Variants in THAP4 observed in about 807,000 individuals in gnomAD.
THAP4 encodes THAP domain containing 4.
In THAP4, 18 loss-of-function variants were observed where a neutral mutation model predicts 48.1. That is an observed-to-expected ratio of 0.37 (90% CI 0.26 to 0.56). The LOEUF (loss-of-function observed/expected upper bound fraction) is 0.56, where lower values mean the gene tolerates loss of function less well. Ranked by LOEUF, THAP4 falls within the 20% of genes least tolerant of loss-of-function variation. The probability of loss-of-function intolerance (pLI) is 0.78; values close to 1 mark genes in which losing one functional copy is unlikely to be tolerated. For synonymous variants in THAP4, 345 were observed against 324.9 expected (o/e 1.06, Z -0.66); for missense variants, 656 against 774.9 (o/e 0.85, Z 1.82).
At chr2:241,590,825 C>T (rs1181760755) in intron 5 of THAP4, among the ~76,000 whole-genome samples, 8 of 151,522 alleles carry the variant, frequency 5.3e-5, no homozygotes, top group African/African-American at 9.7e-5. Context: ...CACTAGGACA[C>T]GCAGAGCTGC....
At position 241,633,452 on chromosome 2, in the gene THAP4, A is replaced by G. The variant is rs2067595143; in HGVS notation, c.705T>C (p.Leu235=). The change falls in exon 2 of 6, where the codon CTT becomes CTC. Residue 235 remains leucine (L), a synonymous_variant. Transcript: ENST00000407315. This position sits in a 1 kb window ranked among gnomAD's most constrained non-coding sequence, Gnocchi z 7.5. The part of the protein sequence containing the change: ...GSGACKFIGS[L]HSYSFSSKHT... ...GCTTAGAGGAGAAACTGTACGAATG[A>G]AGTGAGCCGATAAATTTGCACGCCC... The G allele has an allele frequency of 1.2e-6, 2 of 1,613,776 alleles. No individual in the cohort carries two copies. The highest frequency in any genetic ancestry group is 2.7e-5 in the African/African-American group (2 of 74,846).
At position 241,610,052 on chromosome 2, in the gene THAP4, C is replaced by T. The variant is rs1027771257; in HGVS notation, c.1241-3579G>A. ...TCTCCACCCCTCACGCCCGAGTCCC[C>T]GGCACGGCCACCACCGGCCCCTGGG... is the stretch of plus-strand genomic sequence containing the variant. On this transcript the variant is annotated intron_variant, in intron 2 of 5. Transcript: ENST00000407315. This position sits in a 1 kb window ranked among gnomAD's most constrained non-coding sequence, Gnocchi z 4.2. Among the ~76,000 whole-genome samples, 1 of 152,172 alleles carries T rather than the reference C, an allele frequency of 6.6e-6. No individual in the cohort carries two copies. The highest frequency in any genetic ancestry group is 2.4e-5 in the African/African-American group (1 of 41,432).
chr2:241,622,538 TAAGTG>T (rs2067443278), intron 2 of THAP4, among the ~76,000 whole-genome samples: 1 of 151,666 alleles, frequency 6.6e-6, no homozygotes, highest in Admixed American at 6.6e-5. Flanking sequence ...CAGAGAGAAG[TAAGTG>T]AAGGTAAAAT....
chr2:241,590,502 T>G (rs80002030), intron 5 of THAP4, among the ~76,000 whole-genome samples: 1 of 140,482 alleles, frequency 7.1e-6, no homozygotes, highest in African/African-American at 2.7e-5. Context: ...CTGATGATAA[T>G]GGGCACTAGG....
Position 241,610,671 on chromosome 2 carries a change from C to T in THAP4, c.1241-4198G>A, listed in dbSNP as rs1055835771. On this transcript the variant is annotated intron_variant, in intron 2 of 5. Transcript: ENST00000407315. The surrounding 1 kb of genome is among the most constrained non-coding windows in gnomAD (Gnocchi z 4.2). ...CCTCTCACCGGCAGCCTCTGCCTCCCCCTGGTCTTTCCCTCCCACCACCCA... is the reference window on the plus strand; with the variant it reads ...CCTCTCACCGGCAGCCTCTGCCTCCTCCTGGTCTTTCCCTCCCACCACCCA... Among the ~76,000 whole-genome samples the T allele has an allele frequency of 6.6e-6, 1 of 152,126 alleles. No homozygotes were observed. The highest frequency in any genetic ancestry group is 1.5e-5 in the Non-Finnish European group (1 of 68,018).
chr2:241,619,867 CGGTGAGTGAGG>C (rs572058963), intron 2 of THAP4, among the ~76,000 whole-genome samples: 991 of 22,236 alleles, frequency 0.045, 74 homozygotes, highest in Middle Eastern at 0.12. Flanking sequence ...AGTGAGGAGT[CGGTGAGTGAGG>C]GGTGAGTGAG....
chr2:241,604,404 A>C (rs965333377), intron 3 of THAP4, among the ~76,000 whole-genome samples: 1 of 152,088 alleles, frequency 6.6e-6, no homozygotes, highest in Non-Finnish European at 1.5e-5. Flanking sequence ...GGCATGCGCC[A>C]CCATGCCCGG....
chr2:241,599,521 C>T (rs35426986), intron 5 of THAP4, among the ~76,000 whole-genome samples: 22,415 of 152,070 alleles, frequency 0.15, 1,759 homozygotes, highest in East Asian at 0.16. Flanking sequence ...TATTTACAAG[C>T]AACAAAAATG....
At chr2:241,624,390 G>A (rs890345965) in intron 2 of THAP4, among the ~76,000 whole-genome samples, 2 of 152,084 alleles carry the variant, frequency 1.3e-5, no homozygotes, top group Admixed American at 6.5e-5. Flanking sequence ...AGGAGGCTGA[G>A]GCAGGAGAAT....
chr2:241,607,287 T>C (rs2067195433), intron 2 of THAP4, among the ~76,000 whole-genome samples: 1 of 152,040 alleles, frequency 6.6e-6, no homozygotes, highest in African/African-American at 2.4e-5. Flanking sequence ...GGACCCCTGC[T>C]TCCTGCCTCG....
intron 4 of THAP4, among the ~76,000 whole-genome samples, chr2:241,602,358 G>T (rs995247383): frequency 2.1e-5 from 3 of 144,318 alleles, no homozygotes; most frequent in South Asian, 2.2e-4. Flanking sequence ...ACGCAGGCTG[G>T]TTTTTTTTTT....
intron 2 of THAP4, 70 bp downstream of exon 2, chr2:241,632,847 G>T: frequency 7.9e-7 from 1 of 1,270,406 alleles, no homozygotes; most frequent in Non-Finnish European, 1.1e-6. Flanking sequence ...CTCAGGGGAC[G>T]CTGGCCACCT....
In THAP4 at chr2:241,633,728, C is replaced by T. The variant is rs771543276; in HGVS notation, c.429G>A (p.Arg143=). 2 of 1,611,540 alleles carry T rather than the reference C, an allele frequency of 1.2e-6. No homozygotes were observed. Among genetic ancestry groups the T allele is most frequent in the Non-Finnish European group, 1.7e-6 (2 of 1,178,632 alleles). Residue 143 remains arginine, a synonymous_variant, in exon 2 of 6, where the codon AGG becomes AGA. Coordinates refer to ENST00000407315, the MANE Select transcript of THAP4 (RefSeq NM_015963.6). This position sits in a 1 kb window ranked among gnomAD's most constrained non-coding sequence, Gnocchi z 7.5. ...CACCTTGCAGAGCAGCTTGCTTCAACCTGCGGGACTCTGGCTTGGCCATCG... is the reference window on the plus strand; with the variant it reads ...CACCTTGCAGAGCAGCTTGCTTCAATCTGCGGGACTCTGGCTTGGCCATCG... ...GNPMAKPESR[R]LKQAALQGEA... is the part of the protein sequence containing the mutation.
chr2:241,596,163 A>ATT (rs200623134), intron 5 of THAP4, among the ~76,000 whole-genome samples: 17,548 of 152,074 alleles, frequency 0.12, 1,242 homozygotes, highest in East Asian at 0.16. Context: ...AAGGTGGCCT[A>ATT]TAAGATCCAA....
chr2:241,606,112 T>C (rs550962763), intron 3 of THAP4, among the ~76,000 whole-genome samples: 1 of 152,240 alleles, frequency 6.6e-6, no homozygotes, highest in Non-Finnish European at 1.5e-5. Context: ...TCTCCAAAAA[T>C]ATAACAGAAC....
chr2:241,633,155 C>T lies in THAP4; in HGVS notation c.1002G>A (p.Ser334=), dbSNP rs552208958. 1.8e-5 allele frequency: 29 copies of T among 1,609,314 alleles called. No individual in the cohort carries two copies. The South Asian group carries it at 2.6e-4, about 15-fold the overall frequency. Residue 334 remains serine, a synonymous_variant, in exon 2 of 6, where the codon TCG becomes TCA. Coordinates refer to ENST00000407315, the MANE Select transcript of THAP4 (RefSeq NM_015963.6). This position sits in a 1 kb window ranked among gnomAD's most constrained non-coding sequence, Gnocchi z 7.5. The part of the protein sequence containing the change: ...SPMSINEVIL[S]ASGACKLIDS... ...CGATGAGCTTGCAGGCCCCTGACGC[C>T]GACAGGATGACCTCGTTGATGGACA...
At chr2:241,636,252 TAAAAC>T (rs968780089) in intron 1 of THAP4, among the ~76,000 whole-genome samples, 5 of 152,234 alleles carry the variant, frequency 3.3e-5, no homozygotes, top group Non-Finnish European at 7.3e-5. Flanking sequence ...CCATGCAACA[TAAAAC>T]AGAAACATCT....
intron 1 of THAP4, among the ~76,000 whole-genome samples, chr2:241,635,741 C>A (rs560165154): frequency 6.6e-6 from 1 of 152,194 alleles, no homozygotes; most frequent in African/African-American, 2.4e-5. Context: ...TGCACTCCAG[C>A]CTGGGCGACA....
chr2:241,635,902 G>T (rs1018573428), intron 1 of THAP4, among the ~76,000 whole-genome samples: 1 of 152,182 alleles, frequency 6.6e-6, no homozygotes, highest in Non-Finnish European at 1.5e-5. Flanking sequence ...GATGGACTGG[G>T]CCGTTCTAAG....
Sources: allele counts gnomAD v4.1 joint callset (sites outside exome capture counted in the v4.1 genomes callset), GRCh38; gene constraint gnomAD v4.1.1; non-coding constraint Gnocchi (gnomAD v3.1); transcripts MANE v1.5; gene names NCBI Gene and HGNC (gene_info 2026-07-23, HGNC 2026-07-21).